GLIS1: variants seen among roughly 807,000 people sequenced by gnomAD.
GLIS1 encodes the protein GLIS family zinc finger 1.
In GLIS1, 24 loss-of-function variants were observed where a neutral mutation model predicts 63.8. The observed-to-expected ratio is 0.38, with a 90% CI of 0.27 to 0.53. The LOEUF is 0.53. Among genes scored for constraint, GLIS1 ranks in the 20% least tolerant of loss-of-function variants. The pLI is 0.85. For missense variants in GLIS1, 1,036 were observed against 1,074.1 expected (o/e 0.96, Z 0.50); for synonymous variants, 450 against 482.5 (o/e 0.93, Z 0.88).
At chr1:53,642,848 T>C (rs1335301369) in intron 2 of GLIS1, among the ~76,000 whole-genome samples, 1 of 152,236 alleles carries the variant, frequency 6.6e-6, no homozygotes. Flanking sequence ...GCACTGTAAC[T>C]TAGTTCACAT....
intron 2 of GLIS1, among the ~76,000 whole-genome samples, chr1:53,692,297 G>C (rs963682978): frequency 1.3e-5 from 2 of 152,136 alleles, no homozygotes; most frequent in Non-Finnish European, 1.5e-5. Flanking sequence ...TCATATCCTT[G>C]CTCAAAATCC....
In GLIS1 at chr1:53,579,763, G is replaced by A. The variant is rs542587377; in HGVS notation, c.1320+14345C>T. Among the ~76,000 whole-genome samples, 101 of 152,360 alleles carry A rather than the reference G, an allele frequency of 6.6e-4. 1 individual carries two copies. Among genetic ancestry groups the A allele is most frequent in the Middle Eastern group, 3.4e-3 (1 of 294 alleles). On this transcript the variant is annotated intron_variant, in intron 4 of 10. Transcript: ENST00000628545. Reference sequence around the variant, plus strand: ...GGAAAACATCATCACACCCCAGGGTGTGGCAACGGGCTCAGAGGGAGAGGT... The same window carrying A: ...GGAAAACATCATCACACCCCAGGGTATGGCAACGGGCTCAGAGGGAGAGGT...
At chr1:53,617,750 C>T (rs375819940) in intron 2 of GLIS1, among the ~76,000 whole-genome samples, 3 of 152,152 alleles carry the variant, frequency 2.0e-5, no homozygotes, top group African/African-American at 7.2e-5. Flanking sequence ...GCTATGTTAT[C>T]GGTGCATTTC....
At chr1:53,558,838 G>A (rs1644858521) in intron 4 of GLIS1, among the ~76,000 whole-genome samples, 2 of 152,214 alleles carry the variant, frequency 1.3e-5, no homozygotes, top group African/African-American at 2.4e-5. Context: ...CCCTTGATCT[G>A]TGCTCACCTA....
intron 4 of GLIS1, among the ~76,000 whole-genome samples, chr1:53,589,328 C>G (rs1265767989): frequency 6.6e-6 from 1 of 152,194 alleles, no homozygotes; most frequent in African/African-American, 2.4e-5. Flanking sequence ...AAAACCATCT[C>G]TGAATCTCAG....
intron 2 of GLIS1, among the ~76,000 whole-genome samples, chr1:53,605,464 G>A (rs562940905): frequency 7.9e-5 from 12 of 152,268 alleles, no homozygotes; most frequent in Admixed American, 3.3e-4. Flanking sequence ...CCCCGGCCTC[G>A]GCAGTCCCTG....
chr1:53,711,914 A>G (rs990807114), intron 2 of GLIS1, among the ~76,000 whole-genome samples: 2 of 152,182 alleles, frequency 1.3e-5, no homozygotes, highest in African/African-American at 4.8e-5. Context: ...GCAGGGCCTG[A>G]TGATCCCTAC....
At chr1:53,521,010 C>T (rs2316191) in intron 6 of GLIS1, among the ~76,000 whole-genome samples, 116,178 of 152,166 alleles carry the variant, frequency 0.76, 47,047 homozygotes, top group East Asian at 0.98. Flanking sequence ...AAATGGGAGA[C>T]GTGCCATCTG....
At chr1:53,530,123 A>T (rs1183260221) in intron 4 of GLIS1, among the ~76,000 whole-genome samples, 171 bp from the exon 5 acceptor site, 1 of 152,212 alleles carries the variant, frequency 6.6e-6, no homozygotes, top group Non-Finnish European at 1.5e-5. Context: ...CCCAGGCCTT[A>T]TCTGGAAAGG....
At chr1:53,666,373 T>A (rs929795673) in intron 2 of GLIS1, among the ~76,000 whole-genome samples, 4 of 152,196 alleles carry the variant, frequency 2.6e-5, no homozygotes, top group Admixed American at 2.6e-4. Flanking sequence ...CTGACTCTGA[T>A]GCCTGTGCCT....
intron 8 of GLIS1, among the ~76,000 whole-genome samples, chr1:53,513,639 C>T (rs972153235): frequency 2.0e-5 from 3 of 152,198 alleles, no homozygotes; most frequent in Non-Finnish European, 4.4e-5. Flanking sequence ...CCGCACACCA[C>T]TGGCCCCCTG....
chr1:53,521,688 C>T (rs552692701), intron 6 of GLIS1, among the ~76,000 whole-genome samples: 5 of 152,314 alleles, frequency 3.3e-5, no homozygotes, highest in South Asian at 2.1e-4. Flanking sequence ...GACTTGAGGT[C>T]CCTTGGCTAA....
chr1:53,551,433 C>G (rs1414922582), intron 4 of GLIS1, among the ~76,000 whole-genome samples: 1 of 152,176 alleles, frequency 6.6e-6, no homozygotes, highest in Admixed American at 6.5e-5. Context: ...AATTGCAGGG[C>G]AAGGGGGGTC....
At chr1:53,619,634 G>GGT (rs1373874401) in intron 2 of GLIS1, among the ~76,000 whole-genome samples, 1 of 152,210 alleles carries the variant, frequency 6.6e-6, no homozygotes, top group African/African-American at 2.4e-5. Context: ...CCCCAGGGCT[G>GGT]GTGATTCCAG....
intron 4 of GLIS1, among the ~76,000 whole-genome samples, chr1:53,570,455 C>T (rs1310765185): frequency 1.3e-5 from 2 of 152,014 alleles, no homozygotes; most frequent in South Asian, 4.1e-4. Flanking sequence ...CCAAAATACA[C>T]ATATGGAAGA....
intron 2 of GLIS1, among the ~76,000 whole-genome samples, chr1:53,676,252 C>T (rs1646211424): frequency 6.6e-6 from 1 of 152,168 alleles, no homozygotes; most frequent in African/African-American, 2.4e-5. Flanking sequence ...GGGGTGGGGA[C>T]AAGGAAAGAC....
chr1:53,618,352 G>A (rs905467462), intron 2 of GLIS1, among the ~76,000 whole-genome samples: 3 of 152,242 alleles, frequency 2.0e-5, no homozygotes, highest in African/African-American at 4.8e-5. Context: ...CTAGAAAGAT[G>A]AGAGATAAGA....
At chr1:53,522,775 A>G (rs1010151218) in intron 6 of GLIS1, among the ~76,000 whole-genome samples, 8 of 151,880 alleles carry the variant, frequency 5.3e-5, no homozygotes, top group African/African-American at 1.9e-4. Context: ...AAAAGCCAGG[A>G]GCAGTAAGCA....
chr1:53,711,864 G>T (rs575967493), intron 2 of GLIS1, among the ~76,000 whole-genome samples: 16 of 152,314 alleles, frequency 1.1e-4, no homozygotes, highest in Non-Finnish European at 2.9e-5. Flanking sequence ...AGTCACCTGG[G>T]ATCTCTGGGC....
Sources: allele counts gnomAD v4.1 joint callset (sites outside exome capture counted in the v4.1 genomes callset), GRCh38; gene constraint gnomAD v4.1.1; transcripts MANE v1.5; gene names NCBI Gene and HGNC (gene_info 2026-07-23, HGNC 2026-07-21).